The following USP53 variants were observed in gnomAD, a reference collection of about 807,000 sequenced individuals.
USP53 encodes ubiquitin carboxyl-terminal hydrolase 53.
A neutral mutation model predicts 94.9 loss-of-function variants in USP53; 71 were observed. The ratio of observed to expected loss-of-function variants is 0.75; its 90% CI spans 0.62 to 0.91. The LOEUF (loss-of-function observed/expected upper bound fraction) is 0.91. USP53 is among the 40% of genes least tolerant of loss of function. USP53 has a pLI of 0.00. For missense variants in USP53, 1,173 were observed against 1,281.0 expected, an observed-to-expected ratio of 0.92 and a Z score of 1.29; for synonymous variants, 375 against 422.7, an observed-to-expected ratio of 0.89 and a Z score of 1.39.
chr4:119,229,924 C>T (rs1265815678), intron 3 of USP53, among the ~76,000 whole-genome samples: 2 of 152,242 alleles, frequency 1.3e-5, no homozygotes, highest in East Asian at 1.9e-4. Context: ...CTGTCTACTT[C>T]GTACTTTATT....
Position 119,271,530 on chromosome 4 carries a change from G to C in USP53, c.1670G>C (p.Gly557Ala), listed in dbSNP as rs747074395. Residue 557 changes from glycine to alanine, a missense_variant, in exon 16 of 19, where the codon GGA becomes GCA. Transcript: ENST00000692078. Reference protein sequence around the residue: ...TGKVKSDNGTGYDTDSSQDSR... With the variant: ...TGKVKSDNGTAYDTDSSQDSR... ...AAAGTTAAGAGTGACAATGGCACTGGATATGACACAGACAGCAGCCAAGAT... is the reference window on the plus strand; with the variant it reads ...AAAGTTAAGAGTGACAATGGCACTGCATATGACACAGACAGCAGCCAAGAT... 6 of 1,613,742 alleles carry C rather than the reference G, an allele frequency of 3.7e-6. No individual in the cohort carries two copies. Among genetic ancestry groups the C allele is most frequent in the Non-Finnish European group, 5.1e-6 (6 of 1,180,014 alleles).
intron 12 of USP53, among the ~76,000 whole-genome samples, chr4:119,263,631 G>A (rs769084583): frequency 6.6e-6 from 1 of 152,158 alleles, no homozygotes; most frequent in African/African-American, 2.4e-5. Context: ...TACAAGGTTA[G>A]TAATAGTTTG....
At chr4:119,241,742 C>T (rs781081717) in intron 5 of USP53, among the ~76,000 whole-genome samples, 15 of 151,970 alleles carry the variant, frequency 9.9e-5, no homozygotes, top group Non-Finnish European at 1.6e-4. Flanking sequence ...TGGGTCTGTG[C>T]GTTTTGGATT....
intron 3 of USP53, among the ~76,000 whole-genome samples, chr4:119,222,795 T>C (rs1260546097): frequency 6.6e-6 from 1 of 152,196 alleles, no homozygotes; most frequent in Admixed American, 6.5e-5. Context: ...TGATTTTCTT[T>C]CTTTTGGGTA....
chr4:119,267,504 T>A lies in USP53; in HGVS notation c.1135+22T>A, dbSNP rs764362914. ...ATGGGTAATTCTTTCTTTTAAAAAT[T>A]CTCAATGTTTTTCTATTATCACAGT... On this transcript the variant is annotated intron_variant, in intron 13 of 18. Transcript: ENST00000692078. 5.6e-6 allele frequency: 9 copies of A among 1,598,946 alleles called. No homozygotes were observed. In the Admixed American group the frequency reaches 1.2e-4, roughly 22 times the overall value.
intron 9 of USP53, 80 bp downstream of exon 9, chr4:119,256,603 T>A: frequency 5.7e-6 from 8 of 1,415,778 alleles, no homozygotes; most frequent in Non-Finnish European, 8.0e-6. Flanking sequence ...TATAAAATCA[T>A]AGCATACATG....
intron 3 of USP53, among the ~76,000 whole-genome samples, chr4:119,234,044 A>G (rs1035022709): frequency 1.1e-4 from 16 of 152,230 alleles, no homozygotes; most frequent in Admixed American, 9.8e-4. Context: ...CGGTGAGAAC[A>G]GAACACACAG....
chr4:119,264,146 C>T (rs924041358), intron 12 of USP53, among the ~76,000 whole-genome samples: 1 of 152,080 alleles, frequency 6.6e-6, no homozygotes, highest in African/African-American at 2.4e-5. Context: ...AAATTCAATA[C>T]CCAAGACTAC....
intron 3 of USP53, among the ~76,000 whole-genome samples, chr4:119,227,279 A>ACACACACACACACACACACACAC (rs1561197204): frequency 6.6e-6 from 1 of 151,230 alleles, no homozygotes; most frequent in African/African-American, 2.4e-5. Context: ...ACACACACAC[A>ACACACACACACACACACACACAC]CACACACACA....
chr4:119,291,040 G>T, intron 17 of USP53, 125 bp from the exon 18 acceptor site: 2 of 498,922 alleles, frequency 4.0e-6, no homozygotes, highest in Non-Finnish European at 6.9e-6. Flanking sequence ...TTTTAAATTG[G>T]AAGAGATTAC....
rs751326266 is a variant in USP53 at position 119,271,873 on chromosome 4, G to A, written c.2013G>A (p.Glu671=). 6.2e-7 allele frequency: 1 copy of A among 1,614,096 alleles called. No homozygotes were observed. The highest frequency in any genetic ancestry group is 8.5e-7 in the Non-Finnish European group (1 of 1,179,990). Residue 671 remains glutamate, a synonymous_variant, in exon 16 of 19, where the codon GAG becomes GAA. Transcript: ENST00000692078. ...KGAEKNKGLV[E]GKVHGDNWQM... is the part of the protein sequence containing the mutation. ...CAGAGAAAAATAAAGGCCTTGTAGAGGGTAAAGTGCATGGTGATAATTGGC... is the reference window on the plus strand; with the variant it reads ...CAGAGAAAAATAAAGGCCTTGTAGAAGGTAAAGTGCATGGTGATAATTGGC...
At chr4:119,243,924 C>T (rs1747887437) in intron 5 of USP53, among the ~76,000 whole-genome samples, 1 of 152,090 alleles carries the variant, frequency 6.6e-6, no homozygotes, top group South Asian at 2.1e-4. Flanking sequence ...CATATGTCAC[C>T]TAATTTAATC....
intron 3 of USP53, among the ~76,000 whole-genome samples, chr4:119,222,084 AT>A (rs1371588204): frequency 6.6e-6 from 1 of 152,132 alleles, no homozygotes; most frequent in African/African-American, 2.4e-5. Flanking sequence ...TTAAATTAAC[AT>A]TAATTTTCTA....
rs1747218488 is a variant in USP53 at position 119,239,347 on chromosome 4, GC to G, written c.-411del. ...AACAACCAAAGGAATCATGCCAAAT[GC>G]CAACTCTACATCTTTTTGTATTATT... On this transcript the variant is annotated 5_prime_UTR_variant, in exon 5 of 19. The change creates a premature stop within an existing upstream ORF in the 5' untranslated region. Transcript: ENST00000692078. The G allele has an allele frequency of 6.0e-6, 1 of 166,434 alleles. No individual in the cohort carries two copies. Among genetic ancestry groups the G allele is most frequent in the East Asian group, 1.6e-4 (1 of 6,094 alleles). The allele number at this position is 166,434 out of a possible 1,614,324, so 10.3% of individuals were successfully genotyped here.
chr4:119,272,218 G>T, intron 16 of USP53, 184 bp downstream of exon 16: 1 of 479,122 alleles, frequency 2.1e-6, no homozygotes, highest in Non-Finnish European at 3.5e-6. Context: ...CTAGGATATT[G>T]TAGTTTATTT....
intron 15 of USP53, 104 bp from the exon 16 acceptor site, chr4:119,271,192 T>C: frequency 6.8e-7 from 1 of 1,462,682 alleles, no homozygotes; most frequent in South Asian, 1.6e-5. Context: ...AATTACTATT[T>C]ACCTAAAACT....
Position 119,260,555 on chromosome 4 carries a change from C to G in USP53, c.724C>G (p.Pro242Ala), listed in dbSNP as rs1750368606. 4 of 1,613,728 alleles carry G rather than the reference C, an allele frequency of 2.5e-6. No individual in the cohort carries two copies. In the East Asian group the frequency reaches 8.9e-5, roughly 36 times the overall value. ...AATTCGCCGTGTTTTAATGAATTGC[C>G]CAGAGATTGTTACAATTGGTTTAGT... ...IKIRRVLMNC[P>A]EIVTIGLVWD... Residue 242 changes from proline (P) to alanine (A), a missense_variant, in exon 11 of 19, where the codon CCA becomes GCA. By Grantham distance (27) the Pro-to-Ala change is conservative. Transcript: ENST00000692078.
At chr4:119,215,542 G>T (rs1477427866) in intron 2 of USP53, among the ~76,000 whole-genome samples, 1 of 152,064 alleles carries the variant, frequency 6.6e-6, no homozygotes, top group Non-Finnish European at 1.5e-5. Context: ...TGAACCAAAA[G>T]CCCATGATTA....
chr4:119,226,026 G>A (rs1215481450), intron 3 of USP53, among the ~76,000 whole-genome samples: 5 of 151,970 alleles, frequency 3.3e-5, no homozygotes, highest in Non-Finnish European at 7.4e-5. Context: ...TAAAAGTTTT[G>A]ACAAAATTCA....
Sources: allele counts gnomAD v4.1 joint callset (sites outside exome capture counted in the v4.1 genomes callset), GRCh38; gene constraint gnomAD v4.1.1; transcripts MANE v1.5; gene names NCBI Gene and HGNC (gene_info 2026-07-23, HGNC 2026-07-21).